EPN1: variants seen among roughly 807,000 people sequenced by gnomAD.
EPN1 encodes epsin 1.
In EPN1, 25 loss-of-function variants were observed where a neutral mutation model predicts 56.9. That is an observed-to-expected ratio of 0.44 (90% CI 0.32 to 0.61). The LOEUF (loss-of-function observed/expected upper bound fraction) is 0.61, where lower values mean the gene tolerates loss of function less well. Among genes scored for constraint, EPN1 ranks in the 20% least tolerant of loss-of-function variants. The probability of loss-of-function intolerance (pLI) is 0.05; values close to 1 mark genes in which losing one functional copy is unlikely to be tolerated. For missense variants in EPN1, 785 were observed against 823.7 expected (o/e 0.95, Z 0.58); for synonymous variants, 411 against 361.8 (o/e 1.14, Z -1.54).
At position 55,695,867 on chromosome 19, in the gene EPN1, C is replaced by T; in HGVS notation, c.*511C>T. The T allele has an allele frequency of 6.5e-6, 1 of 154,912 alleles. No homozygotes were observed. The highest frequency in any genetic ancestry group is 1.4e-5 in the Non-Finnish European group (1 of 69,840). The allele number at this position is 154,912 out of a possible 1,614,324, so 9.6% of individuals were successfully genotyped here. On this transcript the variant is annotated 3_prime_UTR_variant, in exon 11 of 11. Transcript: ENST00000270460. The surrounding 1 kb of genome is among the most constrained non-coding windows in gnomAD (Gnocchi z 4.4). ...TCTCTTTCTCGGGGGTGGCTGGCAA[C>T]CAGCCCCTCTGTCTCAGAAGCCCTG...
chr19:55,679,141 A>G (rs1311267265), intron 2 of EPN1, among the ~76,000 whole-genome samples: 1 of 152,230 alleles, frequency 6.6e-6, no homozygotes. Flanking sequence ...CCAGACACCC[A>G]GTTCCTTTCC....
At chr19:55,681,588 A>C (rs1985822396) in intron 2 of EPN1, among the ~76,000 whole-genome samples, 1 of 152,234 alleles carries the variant, frequency 6.6e-6, no homozygotes, top group Admixed American at 6.5e-5. Flanking sequence ...TAGTTGAGAC[A>C]GAGAGTATAT....
In EPN1 at chr19:55,691,729, T is replaced by A. The variant is rs368263218; in HGVS notation, c.763-25T>A. The A allele has an allele frequency of 6.2e-6, 10 of 1,601,112 alleles. No individual in the cohort carries two copies. The highest frequency in any genetic ancestry group is 5.4e-5 in the African/African-American group (4 of 74,364). ...CAGGCTTCCCACCACTTCTTCATGCTCCTTCTCTTCTCTCTCCCCCACAGT... is the reference window on the plus strand; with the variant it reads ...CAGGCTTCCCACCACTTCTTCATGCACCTTCTCTTCTCTCTCCCCCACAGT... On this transcript the variant is annotated intron_variant, in intron 6 of 10. Coordinates refer to ENST00000270460, the MANE Select transcript of EPN1 (RefSeq NM_001130072.2). This position sits in a 1 kb window ranked among gnomAD's most constrained non-coding sequence, Gnocchi z 5.6.
chr19:55,709,002 C>G lies in EPN1; in HGVS notation c.*13646C>G. The G allele has an allele frequency of 6.3e-7, 1 of 1,588,304 alleles. No homozygotes were observed. The highest frequency in any genetic ancestry group is 2.3e-5 in the East Asian group (1 of 43,336). ...GGGGAATTTTTTCTTCCACAGACATCAGGATCTTCTGAGTTTCTTCATCAA... is the reference window on the plus strand; with the variant it reads ...GGGGAATTTTTTCTTCCACAGACATGAGGATCTTCTGAGTTTCTTCATCAA... On this transcript the variant is annotated 3_prime_UTR_variant, in exon 11 of 11. Transcript: ENST00000270460.
Position 55,706,664 on chromosome 19 carries a change from A to G in EPN1, c.*11308A>G, listed in dbSNP as rs1266513138. The G allele has an allele frequency of 8.3e-6, 1 of 120,694 alleles. No individual in the cohort carries two copies. The highest frequency in any genetic ancestry group is 1.7e-5 in the Non-Finnish European group (1 of 59,288). The allele number at this position is 120,694 out of a possible 1,614,324, so 7.5% of individuals were successfully genotyped here. A position where few individuals can be genotyped will look rare whatever the true frequency, so the allele number is the denominator to read the frequency against. Reference sequence around the variant, plus strand: ...AGGGGAAGGAAAAGGAAAGAAAGAAAAGAGGGGAAGGGAAGGGAGAGATTT... The same window carrying G: ...AGGGGAAGGAAAAGGAAAGAAAGAAGAGAGGGGAAGGGAAGGGAGAGATTT... On this transcript the variant is annotated 3_prime_UTR_variant, in exon 11 of 11. Coordinates refer to ENST00000270460, the MANE Select transcript of EPN1 (RefSeq NM_001130072.2).
rs1267548891 is a variant in EPN1, at chr19:55,706,251, CTCT to C, written c.*10897_*10899del. On this transcript the variant is annotated 3_prime_UTR_variant, in exon 11 of 11. Transcript: ENST00000270460. Reference sequence around the variant, plus strand: ...CTCCTCTTTCTTCTCCTTTTTCCTCCTCTTTTCTTCCTTTCTTCTCTTTTTCTT... The same window carrying C: ...CTCCTCTTTCTTCTCCTTTTTCCTCCTTTCTTCCTTTCTTCTCTTTTTCTT... 73 of 145,772 alleles carry C rather than the reference CTCT, an allele frequency of 5.0e-4. No homozygotes were observed. Among genetic ancestry groups the C allele is most frequent in the African/African-American group, 1.6e-3 (59 of 37,334 alleles). 9.0% of individuals were successfully genotyped at this position (145,772 alleles called of 1,614,324 possible).
Position 55,704,405 on chromosome 19 carries a change from A to G in EPN1, c.*9049A>G, listed in dbSNP as rs1233836379. On this transcript the variant is annotated 3_prime_UTR_variant, in exon 11 of 11. Transcript: ENST00000270460. Reference sequence around the variant, plus strand: ...AAATGAGGACATTAGGGTGGGTCCTAATCCAATCTGACTGTTATATAGTGG... The same window carrying G: ...AAATGAGGACATTAGGGTGGGTCCTGATCCAATCTGACTGTTATATAGTGG... The G allele has an allele frequency of 6.6e-6, 1 of 152,174 alleles. No individual in the cohort carries two copies. The highest frequency in any genetic ancestry group is 1.5e-5 in the Non-Finnish European group (1 of 68,062). The allele number at this position is 152,174 out of a possible 1,614,324, so 9.4% of individuals were successfully genotyped here. A position where few individuals can be genotyped will look rare whatever the true frequency, so the allele number is the denominator to read the frequency against.
intron 1 of EPN1, chr19:55,677,473 G>T: frequency 1.3e-6 from 1 of 791,088 alleles, no homozygotes; most frequent in South Asian, 1.8e-5. Context: ...ATGAGTTTTG[G>T]AGTTCAGGTG....
At chr19:55,681,458 T>C (rs960481100) in intron 2 of EPN1, among the ~76,000 whole-genome samples, 1 of 152,224 alleles carries the variant, frequency 6.6e-6, no homozygotes, top group Non-Finnish European at 1.5e-5. Context: ...GGTCTCAGTC[T>C]TGGCTTTAAA....
Position 55,681,218 on chromosome 19 carries a change from A to G in EPN1, c.228+2363A>G, listed in dbSNP as rs11878421. Reference sequence around the variant, plus strand: ...GCCTTGGGGGTGAGTATTGGTGAGTAAGGGCCGGCGTTTATTTGGTACCTT... The same window carrying G: ...GCCTTGGGGGTGAGTATTGGTGAGTGAGGGCCGGCGTTTATTTGGTACCTT... On this transcript the variant is annotated intron_variant, in intron 2 of 10. Transcript: ENST00000270460. 8.2e-3 allele frequency among the ~76,000 whole-genome samples: 1,248 copies of G among 152,308 alleles called. 14 individuals are homozygous for G. Among genetic ancestry groups the G allele is most frequent in the African/African-American group, 0.025 (1,022 of 41,562 alleles).
chr19:55,695,276 C>T lies in EPN1; in HGVS notation c.1651C>T (p.Pro551Ser), dbSNP rs1387287677. 2.5e-6 allele frequency: 4 copies of T among 1,600,900 alleles called. No homozygotes were observed. Among genetic ancestry groups the T allele is most frequent in the South Asian group, 2.2e-5 (2 of 89,330 alleles). The change falls in exon 11 of 11, where the codon CCC becomes TCC. Residue 551 changes from proline to serine, a missense_variant. This residue lies in a region of EPN1 where 650 missense variants were observed against 605.0 expected (regional missense o/e 1.07). Transcript: ENST00000270460. This position sits in a 1 kb window ranked among gnomAD's most constrained non-coding sequence, Gnocchi z 4.4. ...TGGAGCGCCACCCACGTACATCTCT[C>T]CCCTTGGCGGGGGCCCTGGCCTGCC... ...VPGAPPTYIS[P>S]LGGGPGLPPM...
At position 55,694,464 on chromosome 19, in the gene EPN1, C is replaced by G. The variant is rs775594372; in HGVS notation, c.1265-262C>G. The G allele has an allele frequency of 7.7e-5, 32 of 417,320 alleles. No homozygotes were observed. Among genetic ancestry groups the G allele is most frequent in the Non-Finnish European group, 8.8e-5 (21 of 238,746 alleles). 25.9% of individuals were successfully genotyped at this position (417,320 alleles called of 1,614,324 possible). A position where few individuals can be genotyped will look rare whatever the true frequency, so the allele number is the denominator to read the frequency against. ...CCCACCCTGAAGCAGTTGCTGCCCT[C>G]TGGTTGTCAGAGGGTGACACCTGCT... On this transcript the variant is annotated intron_variant, in intron 9 of 10. Transcript: ENST00000270460. The surrounding 1 kb of genome is among the most constrained non-coding windows in gnomAD (Gnocchi z 4.2).
intron 2 of EPN1, among the ~76,000 whole-genome samples, chr19:55,682,562 G>A (rs1201486692): frequency 6.6e-6 from 1 of 152,006 alleles, no homozygotes; most frequent in Non-Finnish European, 1.5e-5. Flanking sequence ...GGGATGACAC[G>A]CATGTGCCAC....
intron 3 of EPN1, among the ~76,000 whole-genome samples, chr19:55,687,553 C>G (rs959733593): frequency 1.3e-5 from 2 of 151,452 alleles, no homozygotes; most frequent in African/African-American, 4.8e-5. Flanking sequence ...ATTCCCAGCA[C>G]TCACCTCTGA....
At chr19:55,693,953 C>T (rs564464575) in intron 9 of EPN1, among the ~76,000 whole-genome samples, 4 of 152,244 alleles carry the variant, frequency 2.6e-5, no homozygotes, top group African/African-American at 7.2e-5. Context: ...CAATGGCTCA[C>T]GCCTGTAATC....
chr19:55,692,978 A>G lies in EPN1; in HGVS notation c.1205A>G (p.Asp402Gly). ...GCCGGGGGATTCGACACGGAGCCCG[A>G]CGAGTTCTCTGACTTTGACCGACTC... ...TAAGGFDTEP[D>G]EFSDFDRLRT... The change falls in exon 9 of 11, where the codon GAC (aspartate) becomes GGC (glycine). Residue 402 changes from aspartate to glycine, a missense_variant. Around this residue, in one of 2 missense-constraint regions of EPN1, gnomAD observed 650 missense variants for 605.0 expected, o/e 1.07. Coordinates refer to ENST00000270460, the MANE Select transcript of EPN1 (RefSeq NM_001130072.2). The G allele has an allele frequency of 6.2e-7, 1 of 1,613,478 alleles. No individual in the cohort carries two copies. Among genetic ancestry groups the G allele is most frequent in the Non-Finnish European group, 8.5e-7 (1 of 1,179,694 alleles).
rs1987025887 is a variant in EPN1, at chr19:55,699,132, T to C, written c.*3776T>C. The C allele has an allele frequency of 6.6e-6, 1 of 152,236 alleles. No homozygotes were observed. Among genetic ancestry groups the C allele is most frequent in the Admixed American group, 6.5e-5 (1 of 15,288 alleles). The allele number at this position is 152,236 out of a possible 1,614,324, so 9.4% of individuals were successfully genotyped here. ...CGCAGGTTTGTTACATATATATACA[T>C]GTGCCATGTTGGTGTGCTGCACGCA... On this transcript the variant is annotated 3_prime_UTR_variant, in exon 11 of 11. Coordinates refer to ENST00000270460, the MANE Select transcript of EPN1 (RefSeq NM_001130072.2).
intron 1 of EPN1, 125 bp downstream of exon 1, chr19:55,675,560 G>C (rs1985340530): frequency 6.5e-6 from 1 of 153,132 alleles, no homozygotes; most frequent in African/African-American, 2.4e-5. Flanking sequence ...TTGTGTCTCT[G>C]CTCCTGTGTC....
chr19:55,691,817 T>TGG lies in EPN1; in HGVS notation c.832_833dup (p.Pro279AlafsTer164). The TGG allele has an allele frequency of 1.2e-6, 2 of 1,610,458 alleles. No individual in the cohort carries two copies. The highest frequency in any genetic ancestry group is 8.5e-7 in the Non-Finnish European group (1 of 1,177,784). On this transcript the variant is annotated frameshift_variant, in exon 7 of 11. Coordinates refer to ENST00000270460, the MANE Select transcript of EPN1 (RefSeq NM_001130072.2). LOFTEE classifies it high-confidence loss of function. This position sits in a 1 kb window ranked among gnomAD's most constrained non-coding sequence, Gnocchi z 5.6. ...AGCTCCTGCCCCGACCACAGACCCC[T>TGG]GGGGGGGCCCAGCACCCATGGCTGC...
Sources: gnomAD v4.1 joint callset for allele counts (sites outside exome capture counted in the v4.1 genomes callset) on GRCh38, gnomAD v4.1.1 for gene constraint, gnomAD v4.1.1 regional missense constraint, Gnocchi (gnomAD v3.1) non-coding constraint, MANE v1.5 for transcripts, NCBI Gene and HGNC (gene_info 2026-07-23, HGNC 2026-07-21) for gene names.